The following LRMDA variants were observed in gnomAD, a reference collection of about 807,000 sequenced individuals.
LRMDA encodes leucine rich melanocyte differentiation associated.
A neutral mutation model predicts 29.8 loss-of-function variants in LRMDA; 18 were observed. The ratio of observed to expected loss-of-function variants is 0.60; its 90% CI spans 0.42 to 0.90. The LOEUF (loss-of-function observed/expected upper bound fraction) is 0.90. LRMDA is among the 40% of genes least tolerant of loss of function. The probability of loss-of-function intolerance (pLI) is 0.00; values close to 1 mark genes in which losing one functional copy is unlikely to be tolerated. For synonymous variants in LRMDA, 125 were observed against 109.4 expected (o/e 1.14, Z -0.89); for missense variants, 273 against 273.9 (o/e 1.00, Z 0.02).
intron 5 of LRMDA, among the ~76,000 whole-genome samples, chr10:76,225,996 G>A (rs1381063759): frequency 1.3e-5 from 2 of 150,948 alleles, no homozygotes; most frequent in Non-Finnish European, 2.9e-5. Flanking sequence ...TTGTCCTTGC[G>A]ATACTTTGCT....
chr10:75,685,505 G>A (rs1287292349), intron 2 of LRMDA, among the ~76,000 whole-genome samples: 1 of 152,188 alleles, frequency 6.6e-6, no homozygotes, highest in East Asian at 1.9e-4. Context: ...TTTTCCAGGT[G>A]GCCCCACCTA....
At chr10:76,047,324 C>A (rs1389626321) in intron 4 of LRMDA, 21 bp downstream of exon 4, 3 of 1,584,806 alleles carry the variant, frequency 1.9e-6, no homozygotes, top group Admixed American at 1.9e-5. Context: ...AGGGGTTGGA[C>A]CATGGTGGGA....
intron 6 of LRMDA, among the ~76,000 whole-genome samples, chr10:76,512,419 G>A (rs1474889286): frequency 3.9e-5 from 6 of 152,104 alleles, no homozygotes; most frequent in Non-Finnish European, 5.9e-5. Flanking sequence ...CAGAAATAAA[G>A]CCTTACATTT....
intron 2 of LRMDA, chr10:75,883,362 C>G (rs1168990216): frequency 6.6e-6 from 1 of 152,194 alleles, no homozygotes; most frequent in Non-Finnish European, 1.5e-5. Flanking sequence ...CAAGCAGGCT[C>G]TGGGTTAACA....
chr10:75,967,771 G>A (rs1200666323), intron 2 of LRMDA, among the ~76,000 whole-genome samples: 3 of 152,022 alleles, frequency 2.0e-5, no homozygotes, highest in Non-Finnish European at 4.4e-5. Context: ...GAGGCGGCGG[G>A]CAGGGGTGGG....
At chr10:76,202,356 G>T (rs1020095939) in intron 5 of LRMDA, among the ~76,000 whole-genome samples, 4 of 152,110 alleles carry the variant, frequency 2.6e-5, no homozygotes, top group African/African-American at 9.7e-5. Context: ...CTTCACTGAG[G>T]CATTTCCTTC....
chr10:76,517,939 CATAT>C (rs71024602), intron 6 of LRMDA, among the ~76,000 whole-genome samples: 6,951 of 144,194 alleles, frequency 0.048, 211 homozygotes, highest in African/African-American at 0.069. Flanking sequence ...TATATATAAA[CATAT>C]ATATATATAT....
At chr10:76,279,591 G>C (rs1840177704) in intron 5 of LRMDA, among the ~76,000 whole-genome samples, 1 of 141,918 alleles carries the variant, frequency 7.0e-6, no homozygotes, top group Non-Finnish European at 1.5e-5. Flanking sequence ...TGTTGCCCAG[G>C]CTGGAGTGCA....
intron 6 of LRMDA, among the ~76,000 whole-genome samples, chr10:76,450,679 A>G (rs1273467801): frequency 1.3e-5 from 2 of 152,016 alleles, no homozygotes; most frequent in African/African-American, 4.8e-5. Context: ...ATTATTTTAC[A>G]TTGTTTCAGT....
chr10:75,861,835 T>TGCAA (rs1028001504), intron 2 of LRMDA, among the ~76,000 whole-genome samples: 8 of 152,216 alleles, frequency 5.3e-5, no homozygotes, highest in African/African-American at 1.9e-4. Flanking sequence ...GCATGTGGGA[T>TGCAA]GCAAGCACAA....
rs377181648 is a variant in LRMDA at position 76,440,409 on chromosome 10, A to T, written c.601+115924A>T. ...ATTGAGGGTATTACTTCTCACCCCA[A>T]AATGGCCTCCATTTCCCTAATACCC... On this transcript the variant is annotated intron_variant, in intron 6 of 6. Transcript: ENST00000611255. 7.2e-5 allele frequency among the ~76,000 whole-genome samples: 11 copies of T among 152,286 alleles called. 1 individual carries two copies. The highest frequency in any genetic ancestry group is 2.6e-4 in the African/African-American group (11 of 41,564).
At chr10:75,983,626 T>A (rs184013869) in intron 2 of LRMDA, among the ~76,000 whole-genome samples, 1 of 152,334 alleles carries the variant, frequency 6.6e-6, no homozygotes, top group African/African-American at 2.4e-5. Context: ...TATGTGTGCA[T>A]ATACATACGC....
intron 2 of LRMDA, among the ~76,000 whole-genome samples, chr10:76,007,946 A>G (rs1427947047): frequency 6.6e-6 from 1 of 152,192 alleles, no homozygotes; most frequent in Non-Finnish European, 1.5e-5. Flanking sequence ...ATGGCAGCAA[A>G]TGACTTCATC....
chr10:76,079,961 C>CT (rs1392159881), intron 5 of LRMDA, among the ~76,000 whole-genome samples: 2 of 152,128 alleles, frequency 1.3e-5, no homozygotes, highest in Non-Finnish European at 2.9e-5. Flanking sequence ...GCTGCCAGCT[C>CT]TAAGTTTTCT....
At chr10:76,341,493 A>C (rs1290083412) in intron 6 of LRMDA, among the ~76,000 whole-genome samples, 1 of 152,252 alleles carries the variant, frequency 6.6e-6, no homozygotes, top group East Asian at 1.9e-4. Context: ...TTTTCAAGTC[A>C]ACATAAACAC....
intron 6 of LRMDA, among the ~76,000 whole-genome samples, chr10:76,333,342 A>G (rs1183165114): frequency 3.3e-5 from 5 of 152,204 alleles, no homozygotes; most frequent in Admixed American, 6.5e-5. Context: ...GAGAGCCTGG[A>G]TTCAAGGAGG....
intron 2 of LRMDA, among the ~76,000 whole-genome samples, chr10:75,791,856 C>CTTTTT (rs5786188): frequency 5.9e-5 from 6 of 102,062 alleles, no homozygotes; most frequent in South Asian, 4.3e-4. Context: ...ATTCCAGGAT[C>CTTTTT]TTTTTTTTTT....
intron 5 of LRMDA, among the ~76,000 whole-genome samples, chr10:76,245,478 C>T (rs1852358493): frequency 6.6e-6 from 1 of 152,110 alleles, no homozygotes; most frequent in South Asian, 2.1e-4. Flanking sequence ...TCTCCGAGCA[C>T]ATTCTGATCA....
intron 5 of LRMDA, among the ~76,000 whole-genome samples, chr10:76,143,536 G>T (rs2132153624): frequency 6.6e-6 from 1 of 152,016 alleles, no homozygotes. Context: ...TTTTGATGGG[G>T]TTGTTTGTTT....
Sources: allele counts gnomAD v4.1 joint callset (sites outside exome capture counted in the v4.1 genomes callset), GRCh38; gene constraint gnomAD v4.1.1; transcripts MANE v1.5; gene names NCBI Gene and HGNC (gene_info 2026-07-23, HGNC 2026-07-21).